NUP93: variants seen among roughly 807,000 people sequenced by gnomAD.
The protein encoded by NUP93 is nuclear pore complex protein Nup93.
A neutral mutation model predicts 107.8 loss-of-function variants in NUP93; 55 were observed. The ratio of observed to expected loss-of-function variants is 0.51; its 90% confidence interval spans 0.41 to 0.64. NUP93 has a LOEUF of 0.64. Among genes scored for constraint, NUP93 ranks in the 30% least tolerant of loss-of-function variants. The pLI is 0.00. For synonymous variants in NUP93, 390 were observed against 397.5 expected (o/e 0.98, Z 0.22); for missense variants, 937 against 1,044.7 (o/e 0.90, Z 1.42).
chr16:56,834,383 A>G lies in NUP93; in HGVS notation c.1678A>G (p.Ser560Gly). The G allele has an allele frequency of 1.2e-6, 2 of 1,614,244 alleles. No individual in the cohort carries two copies. Among genetic ancestry groups the G allele is most frequent in the Middle Eastern group, 1.6e-4 (1 of 6,062 alleles). Residue 560 changes from serine to glycine, a missense_variant, in exon 15 of 22, where the codon AGT (serine) becomes GGT (glycine). Ser to Gly is a moderately conservative substitution (Grantham distance 56). Transcript: ENST00000308159. Reference sequence around the variant, plus strand: ...TTTCCCTTACAGGGATGAGAAAGATAGTCAAGGAGAAAACATGTTTCTGCG... The same window carrying G: ...TTTCCCTTACAGGGATGAGAAAGATGGTCAAGGAGAAAACATGTTTCTGCG... ...YFYFLRDEKDSQGENMFLRCV... is the reference protein window; with the variant it reads ...YFYFLRDEKDGQGENMFLRCV...
intron 6 of NUP93, among the ~76,000 whole-genome samples, chr16:56,820,128 T>A (rs1963512918): frequency 6.6e-6 from 1 of 152,184 alleles, no homozygotes; most frequent in Admixed American, 6.5e-5. Context: ...AAAGATGTCA[T>A]TAAACTAACA....
intron 5 of NUP93, among the ~76,000 whole-genome samples, chr16:56,809,516 G>C (rs960048264): frequency 5.3e-5 from 8 of 152,142 alleles, no homozygotes; most frequent in African/African-American, 1.9e-4. Flanking sequence ...TTCCTGATAA[G>C]TCTTTTTTTC....
chr16:56,772,245 A>G (rs1041688094), intron 3 of NUP93, among the ~76,000 whole-genome samples: 7 of 152,154 alleles, frequency 4.6e-5, no homozygotes, highest in African/African-American at 1.7e-4. Context: ...TTTCTGATCA[A>G]GTGTTAGCTG....
chr16:56,823,817 C>G lies in NUP93; in HGVS notation c.765C>G (p.Val255=). Residue 255 remains valine, a synonymous_variant, in exon 8 of 22, where the codon GTC becomes GTG. Coordinates refer to ENST00000308159, the MANE Select transcript of NUP93 (RefSeq NM_014669.5). ...GCGTGGAAGTGCGCATGGAGTTTGT[C>G]AGGCAGGCCTTGGCGTACCTTGAGC... ...RSSVEVRMEF[V]RQALAYLEQS... 6.2e-7 allele frequency: 1 copy of G among 1,614,102 alleles called. No individual in the cohort carries two copies. Among genetic ancestry groups the G allele is most frequent in the Non-Finnish European group, 8.5e-7 (1 of 1,180,014 alleles).
chr16:56,756,835 C>T (rs1454822037), intron 2 of NUP93, among the ~76,000 whole-genome samples: 1 of 152,118 alleles, frequency 6.6e-6, no homozygotes, highest in Non-Finnish European at 1.5e-5. Flanking sequence ...AATCGCCATT[C>T]TGATTGGCAT....
At chr16:56,772,613 A>C (rs772235105) in intron 3 of NUP93, among the ~76,000 whole-genome samples, 1 of 152,228 alleles carries the variant, frequency 6.6e-6, no homozygotes, top group Non-Finnish European at 1.5e-5. Context: ...CTTGCTGTCT[A>C]TCAGAGGTGG....
rs1964133047 is a variant in NUP93, at chr16:56,847,751, G to A, written c.*3142G>A. 6.6e-6 allele frequency: 1 copy of A among 152,114 alleles called. No individual in the cohort carries two copies. Among genetic ancestry groups the A allele is most frequent in the South Asian group, 2.1e-4 (1 of 4,822 alleles). The allele number at this position is 152,114 out of a possible 1,614,324, so 9.4% of individuals were successfully genotyped here. On this transcript the variant is annotated 3_prime_UTR_variant, in exon 22 of 22. Coordinates refer to ENST00000308159, the MANE Select transcript of NUP93 (RefSeq NM_014669.5). ...TCCTTTTTCACTCACGAGCTGGGCG[G>A]GCTCATCAAAGAGCAGGAAGTGCCC...
chr16:56,830,288 A>G (rs183156682), intron 9 of NUP93, among the ~76,000 whole-genome samples: 1 of 152,272 alleles, frequency 6.6e-6, no homozygotes, highest in East Asian at 1.9e-4. Context: ...CTTCAGAGGA[A>G]AAGCTCTGGA....
At chr16:56,800,342 C>G (rs79600951) in intron 4 of NUP93, among the ~76,000 whole-genome samples, 14,522 of 152,140 alleles carry the variant, frequency 0.095, 718 homozygotes, top group East Asian at 0.15. Flanking sequence ...AACATTGATT[C>G]TCCTGCTGTA....
intron 1 of NUP93, among the ~76,000 whole-genome samples, chr16:56,736,319 C>T (rs933527683): frequency 3.3e-5 from 5 of 152,264 alleles, no homozygotes; most frequent in Middle Eastern, 3.4e-3. Context: ...GGCAACAAAG[C>T]GAGATTCCAT....
intron 1 of NUP93, among the ~76,000 whole-genome samples, chr16:56,739,578 AC>A (rs1448916894): frequency 1.8e-5 from 1 of 55,152 alleles, no homozygotes. Context: ...CGGGGGGCTG[AC>A]CCCCCCACCT....
intron 3 of NUP93, among the ~76,000 whole-genome samples, chr16:56,774,093 G>T (rs1350088017): frequency 1.3e-5 from 2 of 152,176 alleles, no homozygotes; most frequent in Non-Finnish European, 2.9e-5. Context: ...TCAGAGCCCA[G>T]AGGAGAATAA....
At position 56,798,513 on chromosome 16, in the gene NUP93, C is replaced by T. The variant is rs1333629024; in HGVS notation, c.335C>T (p.Ser112Phe). Residue 112 changes from serine (S) to phenylalanine (F), a missense_variant, in exon 4 of 22, where the codon TCT (serine) becomes TTT (phenylalanine). Transcript: ENST00000308159. ...AATGAGAAGGACAATGCCCTGCTGT[C>T]TGCCATCGAAGAGTCCCGGAAGAGG... ...LKNEKDNALL[S>F]AIEESRKRTF... 1 of 1,613,962 alleles carries T rather than the reference C, an allele frequency of 6.2e-7. No individual in the cohort carries two copies. Among genetic ancestry groups the T allele is most frequent in the East Asian group, 2.2e-5 (1 of 44,898 alleles).
chr16:56,767,416 A>G (rs1202054778), intron 3 of NUP93, among the ~76,000 whole-genome samples: 1 of 152,246 alleles, frequency 6.6e-6, no homozygotes, highest in Non-Finnish European at 1.5e-5. Flanking sequence ...TTATAAAACA[A>G]AAGGGAGGGA....
intron 8 of NUP93, among the ~76,000 whole-genome samples, chr16:56,825,410 G>T (rs1456689025): frequency 6.6e-6 from 1 of 152,012 alleles, no homozygotes; most frequent in African/African-American, 2.4e-5. Flanking sequence ...TCACCATGTT[G>T]GCCAGGCTGG....
At chr16:56,828,050 A>T (rs1250026942) in intron 8 of NUP93, among the ~76,000 whole-genome samples, 1 of 152,114 alleles carries the variant, frequency 6.6e-6, no homozygotes, top group African/African-American at 2.4e-5. Flanking sequence ...AAAACCCAGG[A>T]GGCAGAGGTT....
At chr16:56,753,064 A>G (rs930494390) in intron 2 of NUP93, among the ~76,000 whole-genome samples, 1 of 152,232 alleles carries the variant, frequency 6.6e-6, no homozygotes, top group Non-Finnish European at 1.5e-5. Flanking sequence ...TTTAAAATTT[A>G]TGAGTTTATG....
intron 1 of NUP93, among the ~76,000 whole-genome samples, chr16:56,734,589 G>A (rs1040243022): frequency 1.3e-5 from 2 of 151,974 alleles, no homozygotes; most frequent in East Asian, 1.9e-4. Flanking sequence ...AGGGGACAAA[G>A]TAAGAACAGG....
At chr16:56,774,118 C>G (rs1281272147) in intron 3 of NUP93, among the ~76,000 whole-genome samples, 1 of 152,058 alleles carries the variant, frequency 6.6e-6, no homozygotes, top group Non-Finnish European at 1.5e-5. Context: ...GAGAGGGAGA[C>G]ATGGGAAAGG....
Sources: allele counts gnomAD v4.1 joint callset (sites outside exome capture counted in the v4.1 genomes callset), GRCh38; gene constraint gnomAD v4.1.1; transcripts MANE v1.5; gene names NCBI Gene and HGNC (gene_info 2026-07-23, HGNC 2026-07-21).